Variants in CACNA1A observed in about 807,000 individuals in gnomAD.
CACNA1A encodes calcium voltage-gated channel subunit alpha1 A, also known as voltage-dependent P/Q-type calcium channel subunit alpha-1A.
Under a neutral mutation model 262.4 loss-of-function variants are expected in CACNA1A, and 57 were observed. That is an observed-to-expected ratio of 0.22 (90% CI 0.18 to 0.27). The LOEUF (loss-of-function observed/expected upper bound fraction) is 0.27, where lower values mean the gene tolerates loss of function less well. CACNA1A is among the 10% of genes least tolerant of loss of function. The pLI, the probability that CACNA1A is intolerant of heterozygous loss-of-function variation, is 1.00. For synonymous variants in CACNA1A, 1,431 were observed against 1,419.3 expected, an observed-to-expected ratio of 1.01 and a Z score of -0.18; for missense variants, 2,526 against 3,562.8, an observed-to-expected ratio of 0.71 and a Z score of 7.41.
chr19:13,346,542 T>C (rs1051129574), intron 6 of CACNA1A, among the ~76,000 whole-genome samples: 1 of 148,110 alleles, frequency 6.8e-6, no homozygotes, highest in Non-Finnish European at 1.5e-5. Flanking sequence ...ATAGTTTTGT[T>C]GCTTTATTAA....
intron 1 of CACNA1A, among the ~76,000 whole-genome samples, chr19:13,494,926 A>C (rs1981316314): frequency 6.6e-6 from 1 of 152,132 alleles, no homozygotes; most frequent in African/African-American, 2.4e-5. Context: ...TTGGGTGGGG[A>C]CACAGAGAAA....
chr19:13,397,184 C>A (rs1185846702), intron 3 of CACNA1A, among the ~76,000 whole-genome samples: 1 of 152,144 alleles, frequency 6.6e-6, no homozygotes, highest in East Asian at 1.9e-4. Flanking sequence ...GAAGTCCCCC[C>A]AGTTTCTGAG....
intron 24 of CACNA1A, chr19:13,271,732 C>T (rs1200171390): frequency 6.7e-6 from 1 of 150,322 alleles, no homozygotes; most frequent in Non-Finnish European, 1.5e-5. Context: ...ATGGTCAACT[C>T]GGAGGATGGA....
chr19:13,496,609 G>A (rs935315508), intron 1 of CACNA1A, among the ~76,000 whole-genome samples: 2 of 152,216 alleles, frequency 1.3e-5, no homozygotes, highest in African/African-American at 4.8e-5. Flanking sequence ...TGGAGCAACA[G>A]TGATTCAGCT....
At chr19:13,262,510 T>A (rs2144771449) in intron 25 of CACNA1A, 2 of 516,416 alleles carry the variant, frequency 3.9e-6, no homozygotes, top group South Asian at 5.4e-5. Context: ...CCCAAGACAC[T>A]TCATCTAAAG....
At chr19:13,346,666 A>ATATATT (rs2058792254) in intron 6 of CACNA1A, among the ~76,000 whole-genome samples, 1 of 8,288 alleles carries the variant, frequency 1.2e-4, no homozygotes, top group Non-Finnish European at 2.0e-4. Flanking sequence ...ATATATATAT[A>ATATATT]TTTTTTTTTT....
At chr19:13,319,553 AC>A (rs141408285) in intron 10 of CACNA1A, among the ~76,000 whole-genome samples, 2,674 of 152,260 alleles carry the variant, frequency 0.018, 36 homozygotes, top group Admixed American at 0.053. Flanking sequence ...GACACAGCAA[AC>A]ACCTCCAAGG....
In CACNA1A at chr19:13,241,241, G is replaced by A. The variant is rs2056072684; in HGVS notation, c.4950+3941C>T. 6.6e-6 allele frequency among the ~76,000 whole-genome samples: 1 copy of A among 152,028 alleles called. No homozygotes were observed. The highest frequency in any genetic ancestry group is 1.5e-5 in the Non-Finnish European group (1 of 68,014). Reference sequence around the variant, plus strand: ...GGATGGGGCAAGAGAGAGGTGCTGCGCTGGGAAAACCCATCCCTTTCTCTG... The same window carrying A: ...GGATGGGGCAAGAGAGAGGTGCTGCACTGGGAAAACCCATCCCTTTCTCTG... On this transcript the variant is annotated intron_variant, in intron 31 of 46. Transcript: ENST00000360228. The surrounding 1 kb of genome is among the most constrained non-coding windows in gnomAD (Gnocchi z 4.0).
At chr19:13,242,443 C>G (rs1446426888) in intron 31 of CACNA1A, among the ~76,000 whole-genome samples, 1 of 152,040 alleles carries the variant, frequency 6.6e-6, no homozygotes, top group Non-Finnish European at 1.5e-5. Context: ...TTACAGGCAC[C>G]TGCCACCGTG....
chr19:13,309,932 C>T (rs2057984797), intron 12 of CACNA1A, among the ~76,000 whole-genome samples: 1 of 152,130 alleles, frequency 6.6e-6, no homozygotes, highest in Admixed American at 6.6e-5. Flanking sequence ...AAAACATTTT[C>T]ATCACCCCCA....
rs145178200 is a variant in CACNA1A, at chr19:13,472,721, G to A, written c.294-17509C>T. Among the ~76,000 whole-genome samples the A allele has an allele frequency of 5.3e-3, 811 of 152,176 alleles. 7 individuals are homozygous for A. The highest frequency in any genetic ancestry group is 0.018 in the African/African-American group (761 of 41,500). On this transcript the variant is annotated intron_variant, in intron 1 of 46. Transcript: ENST00000360228. ...CCCTGTACTTCTAATTATCCTCTAC[G>A]CAAAGGGCCTGTAGTAGGTTACTTA... is the stretch of plus-strand genomic sequence containing the variant.
intron 3 of CACNA1A, among the ~76,000 whole-genome samples, chr19:13,430,793 G>T (rs2060492244): frequency 6.6e-6 from 1 of 152,108 alleles, no homozygotes; most frequent in Non-Finnish European, 1.5e-5. Context: ...ATGCTCTTCA[G>T]GGGTGTAGAG....
intron 40 of CACNA1A, among the ~76,000 whole-genome samples, chr19:13,213,445 G>A (rs568448676): frequency 6.3e-4 from 96 of 152,074 alleles, no homozygotes; most frequent in Non-Finnish European, 1.1e-3. Flanking sequence ...TTTCCCCCAC[G>A]ACACTTTCTT....
intron 1 of CACNA1A, among the ~76,000 whole-genome samples, chr19:13,501,286 T>C (rs1982346378): frequency 6.6e-6 from 1 of 151,712 alleles, no homozygotes; most frequent in African/African-American, 2.4e-5. Flanking sequence ...CAAATGATTC[T>C]CCTGCCAGCC....
intron 1 of CACNA1A, among the ~76,000 whole-genome samples, chr19:13,467,660 A>G (rs539211755): frequency 6.8e-6 from 1 of 148,108 alleles, no homozygotes; most frequent in African/African-American, 2.5e-5. Flanking sequence ...GCTGGGGCGC[A>G]GTGGGGTGAT....
intron 1 of CACNA1A, among the ~76,000 whole-genome samples, chr19:13,487,217 C>T (rs1428325834): frequency 6.6e-6 from 1 of 152,200 alleles, no homozygotes; most frequent in Non-Finnish European, 1.5e-5. Context: ...GATGAAACCT[C>T]TCATTTGTGG....
At position 13,207,991 on chromosome 19, in the gene CACNA1A, C is replaced by T. The variant is rs775223167; in HGVS notation, c.6843G>A (p.Arg2281=). The change falls in exon 47 of 47, where the codon CGG becomes CGA. Residue 2281 remains arginine, a synonymous_variant. Coordinates refer to ENST00000360228, the MANE Select transcript of CACNA1A (RefSeq NM_001127222.2). The surrounding 1 kb of genome is among the most constrained non-coding windows in gnomAD (Gnocchi z 5.7). ...GGGTCTGGGGGAGCTGGCGGCGGCC[C>T]CGCCGCGGAGTGCTGGTACCAGATG... The part of the protein sequence containing the change: ...PSTSGTSTPR[R]GRRQLPQTPS... The T allele has an allele frequency of 7.5e-7, 1 of 1,334,504 alleles. No homozygotes were observed. The allele number at this position is 1,334,504 out of a possible 1,614,324, so 82.7% of individuals were successfully genotyped here. A position where few individuals can be genotyped will look rare whatever the true frequency, so the allele number is the denominator to read the frequency against.
chr19:13,456,653 G>A (rs866741958), intron 1 of CACNA1A, among the ~76,000 whole-genome samples: 2 of 152,020 alleles, frequency 1.3e-5, no homozygotes, highest in African/African-American at 2.4e-5. Flanking sequence ...CAGCCTGGGC[G>A]ACAGAGCGAG....
chr19:13,412,649 G>A (rs28405007), intron 3 of CACNA1A, among the ~76,000 whole-genome samples: 148 of 151,012 alleles, frequency 9.8e-4, no homozygotes, highest in African/African-American at 3.4e-3. Context: ...GACTAATTTC[G>A]TATTTTCAGT....
Sources: allele counts gnomAD v4.1 joint callset (sites outside exome capture counted in the v4.1 genomes callset), GRCh38; gene constraint gnomAD v4.1.1; non-coding constraint Gnocchi (gnomAD v3.1); transcripts MANE v1.5; gene names NCBI Gene and HGNC (gene_info 2026-07-23, HGNC 2026-07-21).